Variants in SYN3 observed in about 807,000 individuals in gnomAD.
SYN3 encodes synapsin III.
In SYN3, 35 loss-of-function variants were observed where a neutral mutation model predicts 65.8. That is an observed-to-expected ratio of 0.53 (90% CI 0.41 to 0.70). The LOEUF (loss-of-function observed/expected upper bound fraction) is 0.70. SYN3 is among the 30% of genes least tolerant of loss of function. The pLI is 0.00. For synonymous variants in SYN3, 270 were observed against 292.9 expected, an observed-to-expected ratio of 0.92 and a Z score of 0.80; for missense variants, 680 against 749.0, an observed-to-expected ratio of 0.91 and a Z score of 1.08.
chr22:33,051,666 C>T (rs529776337), intron 1 of SYN3, among the ~76,000 whole-genome samples: 16 of 125,602 alleles, frequency 1.3e-4, no homozygotes, highest in African/African-American at 5.0e-4. Context: ...TGCCCAAATA[C>T]ATTAAGGCAC....
intron 9 of SYN3, among the ~76,000 whole-genome samples, 189 bp from the exon 10 acceptor site, chr22:32,534,084 C>T (rs1042664426): frequency 1.6e-4 from 25 of 152,006 alleles, no homozygotes; most frequent in African/African-American, 4.6e-4. Flanking sequence ...GAGTCCAACA[C>T]GCAGAGACAG....
chr22:32,511,824 A>T lies in SYN3; in HGVS notation c.*1868T>A, dbSNP rs376492471. 1.3e-5 allele frequency among the ~76,000 whole-genome samples: 2 copies of T among 152,298 alleles called. No individual in the cohort carries two copies. The highest frequency in any genetic ancestry group is 6.5e-5 in the Admixed American group (1 of 15,304). ...TCTGCTACTTATTATTGAATCCCAG[A>T]CCAAGAGTCTTGAACAGGAGGAGAG... On this transcript the variant is annotated 3_prime_UTR_variant, in exon 14 of 14. Transcript: ENST00000358763.
intron 3 of SYN3, among the ~76,000 whole-genome samples, chr22:32,961,804 C>G (rs2051661263): frequency 6.6e-6 from 1 of 152,214 alleles, no homozygotes; most frequent in African/African-American, 2.4e-5. Context: ...AACTTACATC[C>G]AAAGTTCCCT....
intron 13 of SYN3, among the ~76,000 whole-genome samples, 155 bp from the exon 14 acceptor site, chr22:32,513,979 GGTA>G (rs2057728964): frequency 6.6e-6 from 1 of 152,184 alleles, no homozygotes; most frequent in African/African-American, 2.4e-5. Flanking sequence ...CATGATGTCA[GGTA>G]CATTACACAC....
Position 32,837,342 on chromosome 22 carries a change from C to A in SYN3, c.711+27573G>T, listed in dbSNP as rs910332346. The stretch of plus-strand genomic sequence containing the variant: ...GGGATAGGGGGTGGTCTCAGCCCCC[C>A]TCACCGAGTGCACTTGCATGGCAGT... On this transcript the variant is annotated intron_variant, in intron 6 of 13. Transcript: ENST00000358763. The surrounding 1 kb of genome is among the most constrained non-coding windows in gnomAD (Gnocchi z 4.1). 6.6e-6 allele frequency among the ~76,000 whole-genome samples: 1 copy of A among 152,170 alleles called. No homozygotes were observed. The highest frequency in any genetic ancestry group is 2.1e-4 in the South Asian group (1 of 4,828).
chr22:32,924,418 T>C (rs2050414959), intron 4 of SYN3, among the ~76,000 whole-genome samples: 2 of 152,214 alleles, frequency 1.3e-5, no homozygotes, highest in Non-Finnish European at 1.5e-5. Context: ...TATGGGTCCC[T>C]GAACCCAGGC....
At chr22:32,643,212 T>G (rs2059928395) in intron 6 of SYN3, among the ~76,000 whole-genome samples, 1 of 151,994 alleles carries the variant, frequency 6.6e-6, no homozygotes, top group South Asian at 2.1e-4. Context: ...CCTGAGTAGG[T>G]GGGATTACAG....
intron 6 of SYN3, among the ~76,000 whole-genome samples, chr22:32,597,024 C>T (rs190969161): frequency 5.3e-5 from 8 of 152,158 alleles, no homozygotes; most frequent in South Asian, 2.1e-4. Flanking sequence ...TTGGCTTTAC[C>T]GCTGTGCAAC....
chr22:32,670,166 T>G (rs1470529572), intron 6 of SYN3, among the ~76,000 whole-genome samples: 2 of 152,370 alleles, frequency 1.3e-5, no homozygotes, highest in Admixed American at 1.3e-4. Context: ...TCAGGATTGG[T>G]AATGAGATTT....
At chr22:32,866,470 A>T (rs1317954780) in intron 5 of SYN3, among the ~76,000 whole-genome samples, 3 of 152,336 alleles carry the variant, frequency 2.0e-5, no homozygotes, top group African/African-American at 7.2e-5. Flanking sequence ...GCAGGTAAGC[A>T]CATGAGTTTT....
intron 13 of SYN3, among the ~76,000 whole-genome samples, chr22:32,515,739 A>G (rs1167554491): frequency 2.0e-5 from 3 of 152,194 alleles, no homozygotes; most frequent in African/African-American, 2.4e-5. Flanking sequence ...TTATAGTACA[A>G]TGGTACAGCG....
At chr22:32,989,337 C>T (rs1292590296) in intron 2 of SYN3, among the ~76,000 whole-genome samples, 1 of 152,206 alleles carries the variant, frequency 6.6e-6, no homozygotes, top group Non-Finnish European at 1.5e-5. Context: ...CCCTCCTGTG[C>T]ATCAGCATGA....
At chr22:32,666,270 G>A (rs1380240849) in intron 6 of SYN3, among the ~76,000 whole-genome samples, 2 of 152,154 alleles carry the variant, frequency 1.3e-5, no homozygotes, top group Non-Finnish European at 2.9e-5. Flanking sequence ...ATGTCGGAGT[G>A]TGTCACTCCT....
chr22:32,823,541 G>A (rs1409197696), intron 6 of SYN3, among the ~76,000 whole-genome samples: 1 of 152,202 alleles, frequency 6.6e-6, no homozygotes, highest in Non-Finnish European at 1.5e-5. Context: ...GGCCTGGAGG[G>A]TGGTGGTCTG....
chr22:32,624,951 C>T (rs905963729), intron 6 of SYN3, among the ~76,000 whole-genome samples: 1 of 152,174 alleles, frequency 6.6e-6, no homozygotes, highest in African/African-American at 2.4e-5. Flanking sequence ...TTCTGCCTAC[C>T]CTCTAGGTCA....
At chr22:32,931,519 T>C (rs768940881) in intron 3 of SYN3, 38 bp from the exon 4 acceptor site, 3 of 1,429,974 alleles carry the variant, frequency 2.1e-6, no homozygotes, top group South Asian at 2.3e-5. Context: ...ATTCATCAAA[T>C]ACCAACGGTG....
chr22:32,879,206 T>C (rs557385777), intron 4 of SYN3, among the ~76,000 whole-genome samples: 30 of 152,290 alleles, frequency 2.0e-4, no homozygotes, highest in African/African-American at 7.2e-4. Flanking sequence ...TAAACAGATT[T>C]TCTACCCAGG....
chr22:32,971,187 C>T (rs768032588), intron 3 of SYN3, among the ~76,000 whole-genome samples: 1 of 152,178 alleles, frequency 6.6e-6, no homozygotes, highest in African/African-American at 2.4e-5. Context: ...AAGGTAGACC[C>T]AGGAAGCTGA....
At chr22:32,989,839 A>AG (rs1424510129) in intron 2 of SYN3, among the ~76,000 whole-genome samples, 1 of 149,642 alleles carries the variant, frequency 6.7e-6, no homozygotes, top group East Asian at 2.0e-4. Flanking sequence ...CATCTTCAAA[A>AG]AAAAAAAAAA....
Sources: allele counts gnomAD v4.1 joint callset (sites outside exome capture counted in the v4.1 genomes callset), GRCh38; gene constraint gnomAD v4.1.1; non-coding constraint Gnocchi (gnomAD v3.1); transcripts MANE v1.5; gene names NCBI Gene and HGNC (gene_info 2026-07-23, HGNC 2026-07-21).